The following TRIM32 variants were observed in gnomAD, a reference collection of about 807,000 sequenced individuals.
TRIM32 encodes the protein tripartite motif containing 32.
TRIM32 carries 19 observed loss-of-function variants against 36.0 expected under a neutral mutation model. The observed-to-expected ratio is 0.53, with a 90% confidence interval of 0.37 to 0.77. The LOEUF (loss-of-function observed/expected upper bound fraction) is 0.77, where lower values mean the gene tolerates loss of function less well. Among genes scored for constraint, TRIM32 ranks in the 30% least tolerant of loss-of-function variants. The pLI, the probability that TRIM32 is intolerant of heterozygous loss-of-function variation, is 0.00. For missense variants in TRIM32, 747 were observed against 845.2 expected (o/e 0.88, Z 1.44); for synonymous variants, 309 against 318.5 (o/e 0.97, Z 0.32).
Position 116,699,102 on chromosome 9 carries a change from G to T in TRIM32, c.1360G>T (p.Val454Leu). ...VTDSYDNSLK[V>L]YTLDGHCVAC... The stretch of plus-strand genomic sequence containing the variant: ...TGACAGCTATGATAACTCCCTCAAG[G>T]TATATACCTTGGATGGCCACTGCGT... Residue 454 changes from valine (V) to leucine (L), a missense_variant, in exon 2 of 2, where the codon GTA (valine) becomes TTA (leucine). Physicochemically the swap from Val to Leu is conservative, Grantham distance 32. Transcript: ENST00000450136. The surrounding 1 kb of genome is among the most constrained non-coding windows in gnomAD (Gnocchi z 4.2). 2 of 1,614,026 alleles carry T rather than the reference G, an allele frequency of 1.2e-6. No homozygotes were observed. The highest frequency in any genetic ancestry group is 1.7e-6 in the Non-Finnish European group (2 of 1,179,968).
intron 1 of TRIM32, among the ~76,000 whole-genome samples, chr9:116,690,999 A>G (rs11793648): frequency 0.11 from 16,440 of 152,078 alleles, 1,379 homozygotes; most frequent in East Asian, 0.4. Flanking sequence ...AGTTCACTGC[A>G]GCCTCAACCT....
intron 1 of TRIM32, among the ~76,000 whole-genome samples, chr9:116,696,882 A>G (rs1318834902): frequency 6.6e-6 from 1 of 151,288 alleles, no homozygotes; most frequent in Non-Finnish European, 1.5e-5. Context: ...ACTAATCATC[A>G]CAATTTTCTG....
intron 1 of TRIM32, among the ~76,000 whole-genome samples, chr9:116,695,048 G>A (rs967019405): frequency 2.0e-5 from 3 of 152,108 alleles, no homozygotes; most frequent in East Asian, 1.9e-4. Context: ...GAGAAAATGC[G>A]TATGCTATAA....
At chr9:116,696,581 C>A (rs1486878069) in intron 1 of TRIM32, among the ~76,000 whole-genome samples, 2 of 152,272 alleles carry the variant, frequency 1.3e-5, no homozygotes, top group East Asian at 3.9e-4. Context: ...ATGTCATCTT[C>A]CCTTTGAAAA....
In TRIM32 at chr9:116,687,356, G is replaced by C; in HGVS notation, c.-107G>C. 2.9e-6 allele frequency: 2 copies of C among 690,418 alleles called. No individual in the cohort carries two copies. The highest frequency in any genetic ancestry group is 3.6e-6 in the Non-Finnish European group (2 of 561,990). 42.8% of individuals were successfully genotyped at this position (690,418 alleles called of 1,614,324 possible). ...GCAGGCGGGTGGGCTGCCGGCGGTG[G>C]ACTCGTCGGAGCCGCGGGCGGTCAG... On this transcript the variant is annotated 5_prime_UTR_variant, in exon 1 of 2. Transcript: ENST00000450136.
Position 116,700,212 on chromosome 9 carries a change from C to T in TRIM32, c.*508C>T, listed in dbSNP as rs556842802. ...CATTTAAGACATCATATTCCCGTAACATTATGTCTCAGTCTGATCGTCTTT... is the reference window on the plus strand; with the variant it reads ...CATTTAAGACATCATATTCCCGTAATATTATGTCTCAGTCTGATCGTCTTT... On this transcript the variant is annotated 3_prime_UTR_variant, in exon 2 of 2. Coordinates refer to ENST00000450136, the MANE Select transcript of TRIM32 (RefSeq NM_012210.4). 123 of 195,298 alleles carry T rather than the reference C, an allele frequency of 6.3e-4. No individual in the cohort carries two copies. Among genetic ancestry groups the T allele is most frequent in the African/African-American group, 2.8e-3 (117 of 41,880 alleles). The allele number at this position is 195,298 out of a possible 1,614,324, so 12.1% of individuals were successfully genotyped here. A position where few individuals can be genotyped will look rare whatever the true frequency, so the allele number is the denominator to read the frequency against.
chr9:116,692,744 T>C (rs935999039), intron 1 of TRIM32, among the ~76,000 whole-genome samples: 4 of 152,182 alleles, frequency 2.6e-5, no homozygotes, highest in Admixed American at 1.3e-4. Context: ...GTCTTAGTTT[T>C]CTCATCTATT....
chr9:116,698,277 G>C lies in TRIM32; in HGVS notation c.535G>C (p.Ala179Pro), dbSNP rs1487294115. ...GGAAGGTGTCTCCAAGGACCTTCAG[G>C]CAAGGTATAAAGCAGTTCTCCAGGA... Reference protein sequence around the residue: ...ALEGVSKDLQARYKAVLQEYG... With the variant: ...ALEGVSKDLQPRYKAVLQEYG... The change falls in exon 2 of 2, where the codon GCA (alanine) becomes CCA (proline). Residue 179 changes from alanine to proline, a missense_variant. Ala to Pro is a conservative substitution (Grantham distance 27). Coordinates refer to ENST00000450136, the MANE Select transcript of TRIM32 (RefSeq NM_012210.4). This position sits in a 1 kb window ranked among gnomAD's most constrained non-coding sequence, Gnocchi z 4.4. The C allele has an allele frequency of 6.2e-7, 1 of 1,614,024 alleles. No homozygotes were observed. The highest frequency in any genetic ancestry group is 1.3e-5 in the African/African-American group (1 of 74,938).
In TRIM32 at chr9:116,698,553, C is replaced by G. The variant is rs372298402; in HGVS notation, c.811C>G (p.Arg271Gly). 70 of 1,613,754 alleles carry G rather than the reference C, an allele frequency of 4.3e-5. No homozygotes were observed. The highest frequency in any genetic ancestry group is 5.8e-5 in the Non-Finnish European group (68 of 1,180,028). ...EEPELTASLP[R>G]ELTLQDVELL... Reference sequence around the variant, plus strand: ...GCCAGAGCTCACTGCCAGCTTGCCTCGGGAGCTCACCCTGCAAGATGTGGA... The same window carrying G: ...GCCAGAGCTCACTGCCAGCTTGCCTGGGGAGCTCACCCTGCAAGATGTGGA... Residue 271 changes from arginine to glycine, a missense_variant, in exon 2 of 2, where the codon CGG becomes GGG. By Grantham distance (125) the Arg-to-Gly change is moderately radical. Coordinates refer to ENST00000450136, the MANE Select transcript of TRIM32 (RefSeq NM_012210.4). This position sits in a 1 kb window ranked among gnomAD's most constrained non-coding sequence, Gnocchi z 4.4.
intron 1 of TRIM32, among the ~76,000 whole-genome samples, chr9:116,695,344 C>A (rs1424605306): frequency 3.9e-5 from 6 of 152,136 alleles, no homozygotes; most frequent in Non-Finnish European, 8.8e-5. Context: ...ATAATAGGCA[C>A]TAGATGCATA....
chr9:116,699,747 C>G lies in TRIM32; in HGVS notation c.*43C>G, dbSNP rs1185291658. On this transcript the variant is annotated 3_prime_UTR_variant, in exon 2 of 2. Transcript: ENST00000450136. The surrounding 1 kb of genome is among the most constrained non-coding windows in gnomAD (Gnocchi z 4.2). ...GTTTCTTCTGCTCCCAAGCCAACTT[C>G]CCTTCCCTTAGTTCTTGGTTGTTAG... The G allele has an allele frequency of 1.2e-6, 2 of 1,613,818 alleles. No homozygotes were observed.
At position 116,699,579 on chromosome 9, in the gene TRIM32, C is replaced by T. The variant is rs199664043; in HGVS notation, c.1837C>T (p.Arg613Ter). ...PKGGGYSVLI[R>*]EGLTCPVGIA... ...GGGTGGGGGCTATAGTGTCCTTATT[C>T]GAGAGGGACTTACCTGTCCGGTGGG... is the stretch of plus-strand genomic sequence containing the variant. Residue 613 changes from arginine (R) to a stop codon, truncating the protein, a stop_gained, in exon 2 of 2, where the codon CGA (arginine) becomes TGA (stop). Coordinates refer to ENST00000450136, the MANE Select transcript of TRIM32 (RefSeq NM_012210.4). LOFTEE classifies it high-confidence loss of function. This position sits in a 1 kb window ranked among gnomAD's most constrained non-coding sequence, Gnocchi z 4.2. 2.1e-5 allele frequency: 34 copies of T among 1,614,048 alleles called. No homozygotes were observed. The highest frequency in any genetic ancestry group is 2.2e-5 in the East Asian group (1 of 44,874).
rs777938900 is a variant in TRIM32, at chr9:116,699,310, C to G, written c.1568C>G (p.Ala523Gly). 4 of 1,614,190 alleles carry G rather than the reference C, an allele frequency of 2.5e-6. No homozygotes were observed. The Admixed American group carries it at 6.7e-5, about 27-fold the overall frequency. ...CGGCCCAAATTTGTCACCTGTGATG[C>G]TGAGGGCACCGTCTACTTCACCCAG... ...AVRPKFVTCD[A>G]EGTVYFTQGL... Residue 523 changes from alanine (A) to glycine (G), a missense_variant, in exon 2 of 2, where the codon GCT becomes GGT. Physicochemically the swap from Ala to Gly is moderately conservative, Grantham distance 60. Coordinates refer to ENST00000450136, the MANE Select transcript of TRIM32 (RefSeq NM_012210.4). This position sits in a 1 kb window ranked among gnomAD's most constrained non-coding sequence, Gnocchi z 4.2.
intron 1 of TRIM32, among the ~76,000 whole-genome samples, chr9:116,691,002 C>G (rs1261300939): frequency 6.6e-6 from 1 of 152,120 alleles, no homozygotes; most frequent in Admixed American, 6.5e-5. Flanking sequence ...TCACTGCAGC[C>G]TCAACCTCCT....
In TRIM32 at chr9:116,698,614, T is replaced by G. The variant is rs762907412; in HGVS notation, c.872T>G (p.Ile291Ser). The G allele has an allele frequency of 6.2e-7, 1 of 1,614,100 alleles. No homozygotes were observed. The highest frequency in any genetic ancestry group is 8.5e-7 in the Non-Finnish European group (1 of 1,180,022). The change falls in exon 2 of 2, where the codon ATT becomes AGT. Residue 291 changes from isoleucine (I) to serine (S), a missense_variant. By Grantham distance (142) the Ile-to-Ser change is moderately radical (BLOSUM62 -2). Transcript: ENST00000450136. This position sits in a 1 kb window ranked among gnomAD's most constrained non-coding sequence, Gnocchi z 4.4. ...LKVGHVGPLQIGQAVKKPRTV... is the reference protein window; with the variant it reads ...LKVGHVGPLQSGQAVKKPRTV... The stretch of plus-strand genomic sequence containing the variant: ...GTAGGTCATGTTGGCCCCCTCCAAA[T>G]TGGACAAGCTGTTAAGAAGCCCCGG...
rs1229084091 is a variant in TRIM32, at chr9:116,701,290, T to C, written c.*1586T>C. On this transcript the variant is annotated 3_prime_UTR_variant, in exon 2 of 2. Transcript: ENST00000450136. ...ATAGGTAAAGAGGTCATTAAAATGA[T>C]GTTGAACTAGTTTGTCTTGTTCTTT... 6.0e-6 allele frequency: 1 copy of C among 167,006 alleles called. No individual in the cohort carries two copies. Among genetic ancestry groups the C allele is most frequent in the Non-Finnish European group, 1.5e-5 (1 of 68,134 alleles). The allele number at this position is 167,006 out of a possible 1,614,324, so 10.3% of individuals were successfully genotyped here. A position where few individuals can be genotyped will look rare whatever the true frequency, so the allele number is the denominator to read the frequency against.
chr9:116,699,417 G>A lies in TRIM32; in HGVS notation c.1675G>A (p.Gly559Arg). 6.2e-7 allele frequency: 1 copy of A among 1,614,142 alleles called. No individual in the cohort carries two copies. Among genetic ancestry groups the A allele is most frequent in the Non-Finnish European group, 8.5e-7 (1 of 1,180,020 alleles). ...TTCCATTGGCTCTGTAGGCCCTGAT[G>A]GGCAGCTGGGTCGCCAGATTAGCCA... ...GFSIGSVGPD[G>R]QLGRQISHFF... Residue 559 changes from glycine to arginine, a missense_variant, in exon 2 of 2, where the codon GGG becomes AGG. By Grantham distance (125) the Gly-to-Arg change is moderately radical. Transcript: ENST00000450136. This position sits in a 1 kb window ranked among gnomAD's most constrained non-coding sequence, Gnocchi z 4.2.
Position 116,697,713 on chromosome 9 carries a change from G to C in TRIM32, c.-30G>C. On this transcript the variant is annotated 5_prime_UTR_variant, in exon 2 of 2. Coordinates refer to ENST00000450136, the MANE Select transcript of TRIM32 (RefSeq NM_012210.4). Reference sequence around the variant, plus strand: ...ATACTGTGCTGTTCAGTTCTGAGCTGTGCTAGCAATACCCTTCAAAGGAAG... The same window carrying C: ...ATACTGTGCTGTTCAGTTCTGAGCTCTGCTAGCAATACCCTTCAAAGGAAG... 1 of 1,612,932 alleles carries C rather than the reference G, an allele frequency of 6.2e-7. No homozygotes were observed.
Position 116,698,311 on chromosome 9 carries a change from A to G in TRIM32, c.569A>G (p.His190Arg). The G allele has an allele frequency of 6.2e-7, 1 of 1,614,200 alleles. No homozygotes were observed. Among genetic ancestry groups the G allele is most frequent in the Non-Finnish European group, 8.5e-7 (1 of 1,180,042 alleles). ...AAAGCAGTTCTCCAGGAGTATGGGC[A>G]TGAGGAGCGCAGGGTCCAGGATGAG... Reference protein sequence around the residue: ...RYKAVLQEYGHEERRVQDELA... With the variant: ...RYKAVLQEYGREERRVQDELA... Residue 190 changes from histidine to arginine, a missense_variant, in exon 2 of 2, where the codon CAT becomes CGT. His to Arg is a conservative substitution (Grantham distance 29, BLOSUM62 0). Coordinates refer to ENST00000450136, the MANE Select transcript of TRIM32 (RefSeq NM_012210.4). The surrounding 1 kb of genome is among the most constrained non-coding windows in gnomAD (Gnocchi z 4.4).
Sources: gnomAD v4.1 joint callset for allele counts (sites outside exome capture counted in the v4.1 genomes callset) on GRCh38, gnomAD v4.1.1 for gene constraint, Gnocchi (gnomAD v3.1) non-coding constraint, MANE v1.5 for transcripts, NCBI Gene and HGNC (gene_info 2026-07-23, HGNC 2026-07-21) for gene names.